Variants in PPP1R16B observed in about 807,000 individuals in gnomAD.
PPP1R16B encodes the protein protein phosphatase 1 regulatory inhibitor subunit 16B.
A neutral mutation model predicts 61.7 loss-of-function variants in PPP1R16B; 14 were observed. The observed-to-expected ratio is 0.23, with a 90% CI of 0.15 to 0.35. The LOEUF is 0.35. PPP1R16B is among the 10% of genes least tolerant of loss of function. The pLI is 1.00. For synonymous variants in PPP1R16B, 266 were observed against 305.3 expected (o/e 0.87, Z 1.34); for missense variants, 547 against 752.5 (o/e 0.73, Z 3.19).
chr20:38,917,150 G>T (rs2085548261), intron 10 of PPP1R16B, among the ~76,000 whole-genome samples: 1 of 152,094 alleles, frequency 6.6e-6, no homozygotes, highest in Non-Finnish European at 1.5e-5. Flanking sequence ...ACAAAAATTT[G>T]CTGGGTGTGG....
At chr20:38,818,715 T>C (rs940172357) in intron 1 of PPP1R16B, among the ~76,000 whole-genome samples, 1 of 151,804 alleles carries the variant, frequency 6.6e-6, no homozygotes, top group Non-Finnish European at 1.5e-5. Context: ...CAGGCAGTTA[T>C]GGGCAGTGGT....
Position 38,918,092 on chromosome 20 carries a change from G to C in PPP1R16B, c.1195-65G>C, listed in dbSNP as rs2145789436. 3 of 1,576,228 alleles carry C rather than the reference G, an allele frequency of 1.9e-6. No individual in the cohort carries two copies. Among genetic ancestry groups the C allele is most frequent in the South Asian group, 1.2e-5 (1 of 86,724 alleles). ...TCCAAACAATAATGCCCTCAGCAGA[G>C]AGACAGGTGGATAGTAGGTTCAGAT... On this transcript the variant is annotated intron_variant, in intron 10 of 10. Coordinates refer to ENST00000299824, the MANE Select transcript of PPP1R16B (RefSeq NM_015568.4). The surrounding 1 kb of genome is among the most constrained non-coding windows in gnomAD (Gnocchi z 5.3).
At chr20:38,899,758 G>A (rs921769112) in intron 4 of PPP1R16B, among the ~76,000 whole-genome samples, 8 of 151,994 alleles carry the variant, frequency 5.3e-5, no homozygotes, top group African/African-American at 1.9e-4. Context: ...CTGTATCCAA[G>A]CTGTGTGACC....
intron 2 of PPP1R16B, among the ~76,000 whole-genome samples, chr20:38,854,988 A>G (rs1345535609): frequency 6.6e-6 from 1 of 152,232 alleles, no homozygotes; most frequent in Non-Finnish European, 1.5e-5. Flanking sequence ...ACACTTTAGT[A>G]TGAATGAGTC....
chr20:38,851,078 T>G (rs1158518023), intron 2 of PPP1R16B, among the ~76,000 whole-genome samples: 2 of 151,876 alleles, frequency 1.3e-5, no homozygotes, highest in African/African-American at 4.8e-5. Context: ...CTGGGAATAG[T>G]TGTGCAACTG....
intron 10 of PPP1R16B, among the ~76,000 whole-genome samples, chr20:38,909,614 A>G (rs1266274913): frequency 1.1e-4 from 17 of 152,248 alleles, no homozygotes. Flanking sequence ...CACCACGAAC[A>G]GATGAAAACA....
rs181680976 is a variant in PPP1R16B at position 38,807,449 on chromosome 20, T to C, written c.-102+1657T>C. Among the ~76,000 whole-genome samples the C allele has an allele frequency of 9.9e-5, 15 of 152,270 alleles. No individual in the cohort carries two copies. In the East Asian group the frequency reaches 2.9e-3, roughly 29 times the overall value. On this transcript the variant is annotated intron_variant, in intron 1 of 10. Transcript: ENST00000299824. Reference sequence around the variant, plus strand: ...TGGCTTTGAGTGGGGCGTGTCTCTCTTAGACAGGTGCAGAAGTGGAGCCCT... The same window carrying C: ...TGGCTTTGAGTGGGGCGTGTCTCTCCTAGACAGGTGCAGAAGTGGAGCCCT...
At chr20:38,818,992 T>C (rs922999242) in intron 1 of PPP1R16B, among the ~76,000 whole-genome samples, 5 of 152,128 alleles carry the variant, frequency 3.3e-5, no homozygotes, top group Non-Finnish European at 7.3e-5. Flanking sequence ...TCCAGGCTAC[T>C]CTCAAACTCC....
At chr20:38,917,496 A>G (rs1449423721) in intron 10 of PPP1R16B, among the ~76,000 whole-genome samples, 1 of 152,164 alleles carries the variant, frequency 6.6e-6, no homozygotes, top group African/African-American at 2.4e-5. Context: ...GGAAGCAGCT[A>G]CTTTTCAAAC....
At chr20:38,914,003 C>A (rs1475758345) in intron 10 of PPP1R16B, among the ~76,000 whole-genome samples, 2 of 152,094 alleles carry the variant, frequency 1.3e-5, no homozygotes, top group Non-Finnish European at 2.9e-5. Flanking sequence ...ACCAGCCTGG[C>A]CAACATGGCG....
At chr20:38,818,476 A>C (rs1220473368) in intron 1 of PPP1R16B, among the ~76,000 whole-genome samples, 1 of 152,204 alleles carries the variant, frequency 6.6e-6, no homozygotes, top group Non-Finnish European at 1.5e-5. Context: ...GAAACTGGAC[A>C]GCATAGGCAG....
chr20:38,863,300 C>T (rs6015971), intron 2 of PPP1R16B, among the ~76,000 whole-genome samples: 7,218 of 152,290 alleles, frequency 0.047, 288 homozygotes, highest in East Asian at 0.11. Flanking sequence ...CGTACTTCCC[C>T]TCCTGTCTGT....
intron 2 of PPP1R16B, among the ~76,000 whole-genome samples, chr20:38,875,473 G>A (rs2085159062): frequency 6.6e-6 from 1 of 152,150 alleles, no homozygotes; most frequent in Admixed American, 6.5e-5. Context: ...GCAGGACAGG[G>A]CCCCCCAGGC....
intron 2 of PPP1R16B, among the ~76,000 whole-genome samples, chr20:38,856,861 A>G (rs1031647114): frequency 6.6e-6 from 1 of 152,220 alleles, no homozygotes; most frequent in Non-Finnish European, 1.5e-5. Flanking sequence ...TGCCACAGTC[A>G]TGGTTACTTC....
At chr20:38,836,759 G>A (rs2084875571) in intron 2 of PPP1R16B, among the ~76,000 whole-genome samples, 1 of 152,176 alleles carries the variant, frequency 6.6e-6, no homozygotes, top group African/African-American at 2.4e-5. Flanking sequence ...CAAACTCCCA[G>A]CTTAAAGGGA....
intron 6 of PPP1R16B, among the ~76,000 whole-genome samples, chr20:38,904,597 G>A (rs1277677224): frequency 5.9e-5 from 9 of 152,010 alleles, no homozygotes; most frequent in Admixed American, 5.9e-4. Context: ...ACAAGCATCA[G>A]ACATTTATAA....
chr20:38,845,791 G>C (rs758339029), intron 2 of PPP1R16B, among the ~76,000 whole-genome samples: 2 of 152,236 alleles, frequency 1.3e-5, no homozygotes, highest in Non-Finnish European at 2.9e-5. Context: ...GGTTTTGAAA[G>C]GGGAATCATG....
intron 2 of PPP1R16B, among the ~76,000 whole-genome samples, chr20:38,886,376 C>G (rs975885928): frequency 6.6e-6 from 1 of 152,182 alleles, no homozygotes; most frequent in Non-Finnish European, 1.5e-5. Flanking sequence ...TTACTGTGCA[C>G]AAACACTGCT....
At chr20:38,916,390 AT>A (rs1300305177) in intron 10 of PPP1R16B, among the ~76,000 whole-genome samples, 2 of 147,592 alleles carry the variant, frequency 1.4e-5, no homozygotes, top group African/African-American at 2.5e-5. Context: ...TTTTATATAT[AT>A]TTATATATGT....
Sources: allele counts gnomAD v4.1 joint callset (sites outside exome capture counted in the v4.1 genomes callset), GRCh38; gene constraint gnomAD v4.1.1; non-coding constraint Gnocchi (gnomAD v3.1); transcripts MANE v1.5; gene names NCBI Gene and HGNC (gene_info 2026-07-23, HGNC 2026-07-21).